Variants in SRGAP1 observed in about 807,000 individuals in gnomAD.
SRGAP1 encodes SLIT-ROBO Rho GTPase activating protein 1.
Under a neutral mutation model 121.9 loss-of-function variants are expected in SRGAP1, and 43 were observed. The observed-to-expected ratio is 0.35, with a 90% CI of 0.28 to 0.46. The LOEUF is 0.46. Among genes scored for constraint, SRGAP1 ranks in the 20% least tolerant of loss-of-function variants. SRGAP1 has a pLI of 1.00. For synonymous variants in SRGAP1, 447 were observed against 485.4 expected (o/e 0.92, Z 1.04); for missense variants, 1,102 against 1,350.9 (o/e 0.82, Z 2.89).
chr12:64,067,199 T>C (rs370630609), intron 8 of SRGAP1, among the ~76,000 whole-genome samples: 3 of 152,338 alleles, frequency 2.0e-5, no homozygotes, highest in African/African-American at 4.8e-5. Context: ...TGATCCTTAA[T>C]GTATGCCTTT....
chr12:63,853,174 C>G (rs909755673), intron 1 of SRGAP1, among the ~76,000 whole-genome samples: 1 of 151,924 alleles, frequency 6.6e-6, no homozygotes, highest in Non-Finnish European at 1.5e-5. Context: ...CACCCGCCAC[C>G]ATGCCCGGCT....
At position 64,142,699 on chromosome 12, in the gene SRGAP1, G is replaced by T; in HGVS notation, c.*27G>T. On this transcript the variant is annotated 3_prime_UTR_variant, in exon 22 of 22. Coordinates refer to ENST00000355086, the MANE Select transcript of SRGAP1 (RefSeq NM_020762.4). ...AACCAGCCAAGCAAGGCCATAAAGG[G>T]AGGTGACTTAAAAAAGAAAATGGAT... is the stretch of plus-strand genomic sequence containing the variant. The T allele has an allele frequency of 6.4e-7, 1 of 1,572,916 alleles. No individual in the cohort carries two copies. The highest frequency in any genetic ancestry group is 2.3e-5 in the East Asian group (1 of 44,266).
chr12:64,085,251 A>T (rs1398929710), intron 10 of SRGAP1, among the ~76,000 whole-genome samples: 1 of 152,202 alleles, frequency 6.6e-6, no homozygotes, highest in Admixed American at 6.5e-5. Flanking sequence ...CGTTGTGAAA[A>T]TTGTGAGTTA....
At chr12:63,877,825 G>A (rs1900077374) in intron 1 of SRGAP1, among the ~76,000 whole-genome samples, 2 of 152,102 alleles carry the variant, frequency 1.3e-5, no homozygotes. Flanking sequence ...AGGCCTTAGT[G>A]GCCCCACCTT....
Position 64,097,463 on chromosome 12 carries a change from C to T in SRGAP1, c.1813+88C>T, listed in dbSNP as rs2036180681. 2.1e-5 allele frequency: 29 copies of T among 1,375,512 alleles called. No individual in the cohort carries two copies. The South Asian group carries it at 3.1e-4, about 15-fold the overall frequency. 85.2% of individuals were successfully genotyped at this position (1,375,512 alleles called of 1,614,324 possible). Reference sequence around the variant, plus strand: ...AAGGCAGTGGCCCCCCTCCATACACCCCCACCCCCATTACCCCATTACCAC... The same window carrying T: ...AAGGCAGTGGCCCCCCTCCATACACTCCCACCCCCATTACCCCATTACCAC... On this transcript the variant is annotated intron_variant, in intron 15 of 21. Coordinates refer to ENST00000355086, the MANE Select transcript of SRGAP1 (RefSeq NM_020762.4).
intron 1 of SRGAP1, among the ~76,000 whole-genome samples, chr12:63,859,984 T>G (rs1177034290): frequency 2.0e-5 from 3 of 152,038 alleles, no homozygotes; most frequent in African/African-American, 4.8e-5. Context: ...ACTCATGAGG[T>G]GTGTGTGTGT....
In SRGAP1 at chr12:64,160,671, G is replaced by A. The variant is rs1161153928; in HGVS notation, c.*17999G>A. ...CTGTTTGCCAGTGGCTGGGTCCTGG[G>A]GCCGATAACTTCAAGCTAAACATTC... On this transcript the variant is annotated 3_prime_UTR_variant, in exon 22 of 22. Coordinates refer to ENST00000355086, the MANE Select transcript of SRGAP1 (RefSeq NM_020762.4). 2 of 152,148 alleles carry A rather than the reference G, an allele frequency of 1.3e-5. No individual in the cohort carries two copies. Among genetic ancestry groups the A allele is most frequent in the Non-Finnish European group, 2.9e-5 (2 of 68,032 alleles). 9.4% of individuals were successfully genotyped at this position (152,148 alleles called of 1,614,324 possible).
intron 17 of SRGAP1, among the ~76,000 whole-genome samples, chr12:64,114,324 T>C (rs1366438326): frequency 6.7e-6 from 1 of 149,884 alleles, no homozygotes; most frequent in Admixed American, 6.7e-5. Context: ...ACCAAAGATA[T>C]GGTTAGCTTT....
At position 64,042,831 on chromosome 12, in the gene SRGAP1, T is replaced by C. The variant is rs1380714338; in HGVS notation, c.531T>C (p.Ser177=). The change falls in exon 5 of 22, where the codon AGT becomes AGC. Residue 177 remains serine (S), a synonymous_variant. Coordinates refer to ENST00000355086, the MANE Select transcript of SRGAP1 (RefSeq NM_020762.4). ...TYHMYHAESI[S]AESKLKEAEK... is the part of the protein sequence containing the mutation. ...ATATGTATCATGCAGAGAGCATCAGTGCAGAGAGCAAGCTGAAAGAGGCCG... is the reference window on the plus strand; with the variant it reads ...ATATGTATCATGCAGAGAGCATCAGCGCAGAGAGCAAGCTGAAAGAGGCCG... 1 of 1,613,726 alleles carries C rather than the reference T, an allele frequency of 6.2e-7. No individual in the cohort carries two copies. The highest frequency in any genetic ancestry group is 8.5e-7 in the Non-Finnish European group (1 of 1,179,954).
intron 6 of SRGAP1, among the ~76,000 whole-genome samples, chr12:64,043,874 C>A (rs897309293): frequency 2.6e-5 from 4 of 152,146 alleles, no homozygotes; most frequent in African/African-American, 9.7e-5. Flanking sequence ...TATGCAGTGG[C>A]ACAGCCCTAA....
chr12:63,872,926 A>G (rs1044608241), intron 1 of SRGAP1, among the ~76,000 whole-genome samples: 4 of 152,284 alleles, frequency 2.6e-5, no homozygotes, highest in African/African-American at 9.6e-5. Flanking sequence ...CTCATGAGAG[A>G]GACATCTGGG....
At chr12:63,886,645 T>A (rs984053144) in intron 1 of SRGAP1, among the ~76,000 whole-genome samples, 19 of 152,006 alleles carry the variant, frequency 1.2e-4, no homozygotes, top group African/African-American at 3.9e-4. Flanking sequence ...CTAATTTTTT[T>A]ATTTTTTGTA....
intron 11 of SRGAP1, among the ~76,000 whole-genome samples, chr12:64,088,017 T>C (rs929623079): frequency 6.6e-6 from 1 of 152,188 alleles, no homozygotes; most frequent in Admixed American, 6.5e-5. Context: ...CTAATTAGCA[T>C]AGCAAGATGT....
chr12:64,025,605 C>T (rs1231121403), intron 4 of SRGAP1, among the ~76,000 whole-genome samples: 3 of 152,088 alleles, frequency 2.0e-5, no homozygotes, highest in Admixed American at 2.0e-4. Flanking sequence ...TAAAACGCTC[C>T]CAAACTGAAA....
intron 1 of SRGAP1, among the ~76,000 whole-genome samples, chr12:63,960,219 C>T (rs889248523): frequency 1.3e-5 from 2 of 152,154 alleles, no homozygotes; most frequent in African/African-American, 2.4e-5. Flanking sequence ...ACTGGAATTC[C>T]GAGAGATGAA....
At chr12:63,861,968 A>C (rs1899469492) in intron 1 of SRGAP1, among the ~76,000 whole-genome samples, 1 of 152,100 alleles carries the variant, frequency 6.6e-6, no homozygotes, top group East Asian at 1.9e-4. Flanking sequence ...TAATAACACA[A>C]AAATTAGCCA....
intron 18 of SRGAP1, among the ~76,000 whole-genome samples, chr12:64,122,342 A>G (rs2036617304): frequency 6.6e-6 from 1 of 152,224 alleles, no homozygotes; most frequent in Admixed American, 6.5e-5. Context: ...TATATGAAAG[A>G]GGCACAGTGT....
chr12:64,030,840 T>C (rs2136486628), intron 4 of SRGAP1, among the ~76,000 whole-genome samples: 1 of 152,328 alleles, frequency 6.6e-6, no homozygotes, highest in South Asian at 2.1e-4. Flanking sequence ...GCATTGTTCA[T>C]TTCTAGATAT....
At chr12:64,130,842 T>C (rs1206972547) in intron 21 of SRGAP1, among the ~76,000 whole-genome samples, 1 of 152,204 alleles carries the variant, frequency 6.6e-6, no homozygotes, top group Non-Finnish European at 1.5e-5. Context: ...GGCAAACCCA[T>C]ATCCGGAGTA....
Sources: gnomAD v4.1 joint callset for allele counts (sites outside exome capture counted in the v4.1 genomes callset) on GRCh38, gnomAD v4.1.1 for gene constraint, MANE v1.5 for transcripts, NCBI Gene and HGNC (gene_info 2026-07-23, HGNC 2026-07-21) for gene names.